Variants in MICU3 observed in about 807,000 individuals in gnomAD.
MICU3 encodes mitochondrial calcium uptake 3, also known as calcium uptake protein 3, mitochondrial.
MICU3 carries 62 observed loss-of-function variants against 66.5 expected under a neutral mutation model. The observed-to-expected ratio is 0.93, with a 90% CI of 0.76 to 1.15. The LOEUF is 1.15. Among genes scored for constraint, MICU3 ranks in the 50% most tolerant of loss-of-function variants. The probability of loss-of-function intolerance (pLI) is 0.00; values close to 1 mark genes in which losing one functional copy is unlikely to be tolerated. For synonymous variants in MICU3, 308 were observed against 240.7 expected (o/e 1.28, Z -2.59); for missense variants, 779 against 664.4 (o/e 1.17, Z -1.90).
intron 7 of MICU3, 101 bp from the exon 8 acceptor site, chr8:17,090,445 C>A (rs1799930370): frequency 1.1e-6 from 1 of 947,132 alleles, no homozygotes; most frequent in Non-Finnish European, 1.6e-6. Flanking sequence ...ATTTGCCCTT[C>A]CTAATTGATT....
rs1451005072 is a variant in MICU3, at chr8:17,121,121, C to T, written c.*834C>T. The T allele has an allele frequency of 6.6e-6, 1 of 151,800 alleles. No individual in the cohort carries two copies. The highest frequency in any genetic ancestry group is 6.6e-5 in the Admixed American group (1 of 15,246). The allele number at this position is 151,800 out of a possible 1,614,324, so 9.4% of individuals were successfully genotyped here. On this transcript the variant is annotated 3_prime_UTR_variant, in exon 15 of 15. Coordinates refer to ENST00000318063, the MANE Select transcript of MICU3 (RefSeq NM_181723.3). ...AAGCTGCTCCTGATCATAGGTGGTACACGTTAATAACACTAGTAAAAATAA... is the reference window on the plus strand; with the variant it reads ...AAGCTGCTCCTGATCATAGGTGGTATACGTTAATAACACTAGTAAAAATAA...
chr8:17,055,520 C>T (rs549774628), intron 1 of MICU3, among the ~76,000 whole-genome samples: 1 of 152,300 alleles, frequency 6.6e-6, no homozygotes, highest in South Asian at 2.1e-4. Flanking sequence ...CTTCATTTTC[C>T]ATCCTTACTT....
intron 1 of MICU3, among the ~76,000 whole-genome samples, chr8:17,055,734 C>T (rs1387315795): frequency 2.0e-5 from 3 of 152,174 alleles, no homozygotes; most frequent in Admixed American, 2.0e-4. Context: ...TCCTTGATCC[C>T]ACTCCCAGCC....
Position 17,064,080 on chromosome 8 carries a change from T to G in MICU3, c.382-4T>G. ...TCCAAATGTATTTGCTTTCTTAACT[T>G]TAGGTTGCTATTGGCAGAACAGACA... On this transcript the variant is annotated splice_region_variant and splice_polypyrimidine_tract_variant and intron_variant, in intron 1 of 14. Transcript: ENST00000318063. 1 of 1,606,370 alleles carries G rather than the reference T, an allele frequency of 6.2e-7. No homozygotes were observed. The highest frequency in any genetic ancestry group is 8.5e-7 in the Non-Finnish European group (1 of 1,176,256).
At chr8:17,049,041 T>C (rs952848662) in intron 1 of MICU3, among the ~76,000 whole-genome samples, 1 of 152,236 alleles carries the variant, frequency 6.6e-6, no homozygotes, top group Non-Finnish European at 1.5e-5. Context: ...ACTTACTCCA[T>C]TTCTTTGAAC....
intron 1 of MICU3, among the ~76,000 whole-genome samples, chr8:17,057,349 T>C (rs779553426): frequency 6.6e-6 from 1 of 152,152 alleles, no homozygotes. Context: ...AGCTCAGTTC[T>C]TGTTCCCAGA....
chr8:17,116,609 A>C lies in MICU3; in HGVS notation c.1524+9A>C, dbSNP rs775732772. On this transcript the variant is annotated intron_variant, in intron 13 of 14. Transcript: ENST00000318063. ...TCCATAGAGGATTCCGGGTAAACCT[A>C]CACATTTTAAACCTATTGATATCCT... The C allele has an allele frequency of 1.2e-5, 18 of 1,542,432 alleles. No homozygotes were observed. In the East Asian group the frequency reaches 3.9e-4, roughly 33 times the overall value.
At chr8:17,119,556 G>GATAGATAGATAGATAGATAGATAGATAA (rs1554541278) in intron 14 of MICU3, among the ~76,000 whole-genome samples, 5 of 151,092 alleles carry the variant, frequency 3.3e-5, no homozygotes, top group African/African-American at 9.7e-5. Context: ...TAGATAGATA[G>GATAGATAGATAGATAGATAGATAGATAA]ATAGATAGAT....
chr8:17,069,598 T>C (rs1819238125), intron 2 of MICU3, 90 bp from the exon 3 acceptor site: 3 of 764,946 alleles, frequency 3.9e-6, no homozygotes, highest in Non-Finnish European at 4.0e-6. Flanking sequence ...AAAGTTTGGT[T>C]ATGAGTTATG....
chr8:17,066,134 C>T (rs543616138), intron 2 of MICU3, among the ~76,000 whole-genome samples: 1 of 151,290 alleles, frequency 6.6e-6, no homozygotes, highest in South Asian at 2.1e-4. Flanking sequence ...TTATTTAATC[C>T]ATTTGGTACA....
chr8:17,049,644 T>G (rs755776905), intron 1 of MICU3: 1 of 518,232 alleles, frequency 1.9e-6, no homozygotes, highest in African/African-American at 1.9e-5. Context: ...AAAACCCATA[T>G]ACTTTCATTC....
chr8:17,061,377 A>C lies in MICU3; in HGVS notation c.382-2707A>C, dbSNP rs148056082. On this transcript the variant is annotated intron_variant, in intron 1 of 14. Transcript: ENST00000318063. ...AAAAAACAGGCATCTCAGGAGCGGT[A>C]GTGGCAAGAGATGAGAAAACAGGCA... Among the ~76,000 whole-genome samples, 277 of 152,260 alleles carry C rather than the reference A, an allele frequency of 1.8e-3. 1 individual carries two copies. The highest frequency in any genetic ancestry group is 4.3e-3 in the Admixed American group (66 of 15,282).
Position 17,105,423 on chromosome 8 carries a change from A to T in MICU3, c.1096A>T (p.Asn366Tyr). The T allele has an allele frequency of 6.5e-7, 1 of 1,540,464 alleles. No individual in the cohort carries two copies. The highest frequency in any genetic ancestry group is 1.4e-5 in the African/African-American group (1 of 71,504). Residue 366 changes from asparagine (N) to tyrosine (Y), a missense_variant, in exon 11 of 15, where the codon AAT (asparagine) becomes TAT (tyrosine). Transcript: ENST00000318063. ...ACATTTTTGTCATAGATTCATGGATAATCTCCAAACAGAAGTTCTAGAAAT... is the reference window on the plus strand; with the variant it reads ...ACATTTTTGTCATAGATTCATGGATTATCTCCAAACAGAAGTTCTAGAAAT... The part of the protein sequence containing the change: ...NFEDFYRFMD[N>Y]LQTEVLEIEF...
At chr8:17,083,013 T>C (rs1245356853) in intron 5 of MICU3, among the ~76,000 whole-genome samples, 1 of 152,154 alleles carries the variant, frequency 6.6e-6, no homozygotes, top group Non-Finnish European at 1.5e-5. Context: ...CAGAGCTGGC[T>C]GTACAGGAGA....
intron 11 of MICU3, 88 bp from the exon 12 acceptor site, chr8:17,114,005 T>TG: frequency 1.3e-6 from 1 of 767,060 alleles, no homozygotes; most frequent in Non-Finnish European, 2.1e-6. Flanking sequence ...TTGCAAATGC[T>TG]TAATCTGTTT....
At chr8:17,048,168 C>A (rs956688495) in intron 1 of MICU3, among the ~76,000 whole-genome samples, 2 of 152,002 alleles carry the variant, frequency 1.3e-5, no homozygotes, top group Admixed American at 6.6e-5. Context: ...AAAGCAAAAC[C>A]TAGAATGGAA....
intron 1 of MICU3, among the ~76,000 whole-genome samples, chr8:17,038,075 A>G (rs947121773): frequency 6.6e-6 from 1 of 152,104 alleles, no homozygotes; most frequent in Non-Finnish European, 1.5e-5. Context: ...CTTGTCTCAG[A>G]TTAGATTTTG....
At chr8:17,039,227 A>G (rs60475501) in intron 1 of MICU3, among the ~76,000 whole-genome samples, 116 of 152,356 alleles carry the variant, frequency 7.6e-4, no homozygotes, top group African/African-American at 2.6e-3. Flanking sequence ...TAACTTTTAT[A>G]TGCACTGGGA....
intron 3 of MICU3, 67 bp from the exon 4 acceptor site, chr8:17,077,716 C>A: frequency 9.0e-7 from 1 of 1,114,432 alleles, no homozygotes; most frequent in Admixed American, 2.0e-5. Context: ...GACATTTAAA[C>A]ATGTTTTTGA....
Sources: allele counts gnomAD v4.1 joint callset (sites outside exome capture counted in the v4.1 genomes callset), GRCh38; gene constraint gnomAD v4.1.1; transcripts MANE v1.5; gene names NCBI Gene and HGNC (gene_info 2026-07-23, HGNC 2026-07-21).